Variants in U2SURP observed in about 807,000 individuals in gnomAD.
The protein encoded by U2SURP is U2 snRNP associated SURP domain containing, also known as U2 snRNP-associated SURP motif-containing protein.
In U2SURP, 9 loss-of-function variants were observed where a neutral mutation model predicts 144.9. The ratio of observed to expected loss-of-function variants is 0.06; its 90% CI spans 0.04 to 0.11. The LOEUF is 0.11. U2SURP is among the 10% of genes least tolerant of loss of function. The pLI is 1.00. For missense variants in U2SURP, 724 were observed against 1,226.7 expected (o/e 0.59, Z 6.12); for synonymous variants, 408 against 396.8 (o/e 1.03, Z -0.33).
chr3:143,044,751 A>G (rs867048922), intron 24 of U2SURP, among the ~76,000 whole-genome samples: 1 of 152,178 alleles, frequency 6.6e-6, no homozygotes, highest in Non-Finnish European at 1.5e-5. Context: ...TATGATACCT[A>G]TCACATTAGT....
chr3:143,026,875 G>A (rs1933182787), intron 13 of U2SURP: 1 of 231,134 alleles, frequency 4.3e-6, no homozygotes, highest in Admixed American at 5.6e-5. Flanking sequence ...GAAAATAAGT[G>A]ACATTTAGAA....
chr3:143,034,167 G>T (rs564772940), intron 18 of U2SURP, among the ~76,000 whole-genome samples: 1 of 152,152 alleles, frequency 6.6e-6, no homozygotes, highest in Non-Finnish European at 1.5e-5. Flanking sequence ...ACTTTGGGAG[G>T]CCAAGAAGGG....
intron 22 of U2SURP, 132 bp from the exon 23 acceptor site, chr3:143,038,762 A>G: frequency 1.7e-6 from 1 of 580,462 alleles, no homozygotes; most frequent in Non-Finnish European, 2.9e-6. Flanking sequence ...CTATTTAGAG[A>G]ATTGATAAAC....
Position 143,001,591 on chromosome 3 carries a change from G to GT in U2SURP, c.-37dup. 2 of 1,612,472 alleles carry GT rather than the reference G, an allele frequency of 1.2e-6. No individual in the cohort carries two copies. Among genetic ancestry groups the GT allele is most frequent in the Non-Finnish European group, 1.7e-6 (2 of 1,179,396 alleles). ...CGCTCTTTCGGTGCTCGACTCGCCC[G>GT]TGCTGCTGCCGCCGCCGAAGGAGGG... On this transcript the variant is annotated 5_prime_UTR_variant, in exon 1 of 28. Coordinates refer to ENST00000473835, the MANE Select transcript of U2SURP (RefSeq NM_001080415.2).
chr3:143,009,008 C>T (rs533409622), intron 1 of U2SURP, among the ~76,000 whole-genome samples: 322 of 152,182 alleles, frequency 2.1e-3, no homozygotes, highest in Middle Eastern at 3.4e-3. Context: ...CCAAAGTGCT[C>T]GGATTACAGG....
At chr3:143,034,685 G>A (rs1933713578) in intron 18 of U2SURP, 2 of 474,132 alleles carry the variant, frequency 4.2e-6, no homozygotes, top group Non-Finnish European at 7.5e-6. Context: ...CTGTTGGGGA[G>A]TTTGTAGGAG....
At chr3:143,010,431 C>T (rs16852896) in intron 1 of U2SURP, among the ~76,000 whole-genome samples, 5,871 of 152,190 alleles carry the variant, frequency 0.039, 331 homozygotes, top group African/African-American at 0.13. Context: ...AGAGAGTTCT[C>T]GTGCTGTGGA....
At chr3:143,023,590 A>G (rs997644906) in intron 12 of U2SURP, among the ~76,000 whole-genome samples, 5 of 152,238 alleles carry the variant, frequency 3.3e-5, no homozygotes, top group Non-Finnish European at 7.3e-5. Context: ...ATTATGAATT[A>G]ATTACACTTA....
intron 16 of U2SURP, among the ~76,000 whole-genome samples, chr3:143,029,786 G>C (rs1250534712): frequency 6.6e-6 from 1 of 152,184 alleles, no homozygotes; most frequent in Non-Finnish European, 1.5e-5. Flanking sequence ...CAATGCAAAG[G>C]AAGAGTTTTT....
intron 2 of U2SURP, chr3:143,011,847 G>C (rs1030806284): frequency 9.6e-6 from 4 of 417,758 alleles, no homozygotes; most frequent in African/African-American, 2.1e-5. Context: ...GTTTGTTTGA[G>C]TTGAGAAATG....
intron 26 of U2SURP, 114 bp downstream of exon 26, chr3:143,053,908 T>G: frequency 1.1e-6 from 1 of 908,428 alleles, no homozygotes; most frequent in Non-Finnish European, 1.6e-6. Context: ...CATGATAAAC[T>G]TGTTTGGGTC....
In U2SURP at chr3:143,052,621, C is replaced by T. The variant is rs141997047; in HGVS notation, c.2656-1055C>T. ...TTGACTTAGGTATTTTGTAGGGTGG[C>T]TTTCACTCTGCTGTGGCAGAGTTGA... On this transcript the variant is annotated intron_variant, in intron 25 of 27. Coordinates refer to ENST00000473835, the MANE Select transcript of U2SURP (RefSeq NM_001080415.2). Among the ~76,000 whole-genome samples the T allele has an allele frequency of 2.8e-3, 428 of 152,302 alleles. 3 individuals carry two copies. Among genetic ancestry groups the T allele is most frequent in the African/African-American group, 9.7e-3 (403 of 41,558 alleles).
intron 6 of U2SURP, 36 bp from the exon 7 acceptor site, chr3:143,019,932 CT>C: frequency 1.6e-6 from 2 of 1,246,914 alleles, no homozygotes; most frequent in South Asian, 1.7e-5. Context: ...TTTGCTTATC[CT>C]TTTGTTTGAA....
At position 143,028,590 on chromosome 3, in the gene U2SURP, G is replaced by A. The variant is rs1191230248; in HGVS notation, c.1554G>A (p.Glu518=). Reference sequence around the variant, plus strand: ...CGTACTTGCATGGAATGTCAGAAGAGCAAGAAACAGAAGCTTTTGTAGAGG... The same window carrying A: ...CGTACTTGCATGGAATGTCAGAAGAACAAGAAACAGAAGCTTTTGTAGAGG... ...LNPYLHGMSE[E]QETEAFVEEP... is the part of the protein sequence containing the mutation. Residue 518 remains glutamate, a synonymous_variant, in exon 16 of 28, where the codon GAG becomes GAA. Coordinates refer to ENST00000473835, the MANE Select transcript of U2SURP (RefSeq NM_001080415.2). 3 of 1,604,202 alleles carry A rather than the reference G, an allele frequency of 1.9e-6. No individual in the cohort carries two copies. Among genetic ancestry groups the A allele is most frequent in the Admixed American group, 1.7e-5 (1 of 57,282 alleles).
At chr3:143,011,696 A>C (rs1159935092) in intron 2 of U2SURP, among the ~76,000 whole-genome samples, 9 of 152,104 alleles carry the variant, frequency 5.9e-5, no homozygotes, top group Admixed American at 5.9e-4. Flanking sequence ...TTGATGATGC[A>C]GTAAAAGTTA....
chr3:143,027,280 TA>T, intron 14 of U2SURP, 27 bp downstream of exon 14: 1 of 1,556,470 alleles, frequency 6.4e-7, no homozygotes, highest in Non-Finnish European at 8.9e-7. Flanking sequence ...AATTGTGAAA[TA>T]TATGTAACAT....
chr3:143,053,535 ATTT>A, intron 25 of U2SURP, 138 bp from the exon 26 acceptor site: 4 of 468,202 alleles, frequency 8.5e-6, no homozygotes, highest in Non-Finnish European at 1.4e-5. Flanking sequence ...GAAGGGGTAG[ATTT>A]TTTTTTTTTT....
intron 18 of U2SURP, chr3:143,034,512 A>G (rs1933703254): frequency 6.5e-6 from 1 of 154,660 alleles, no homozygotes; most frequent in Admixed American, 6.5e-5. Context: ...TCTGAAAAGA[A>G]ATTTAGAGAG....
intron 1 of U2SURP, among the ~76,000 whole-genome samples, chr3:143,009,119 T>C (rs1935989765): frequency 6.6e-6 from 1 of 152,240 alleles, no homozygotes; most frequent in Admixed American, 6.5e-5. Context: ...ATTTATTCTT[T>C]TGGATTTTTA....
Sources: allele counts gnomAD v4.1 joint callset (sites outside exome capture counted in the v4.1 genomes callset), GRCh38; gene constraint gnomAD v4.1.1; transcripts MANE v1.5; gene names NCBI Gene and HGNC (gene_info 2026-07-23, HGNC 2026-07-21).